The following THADA variants were observed in gnomAD, a reference collection of about 807,000 sequenced individuals.
THADA encodes tRNA (32-2'-O)-methyltransferase regulator THADA.
A neutral mutation model predicts 219.8 loss-of-function variants in THADA; 213 were observed. The ratio of observed to expected loss-of-function variants is 0.97; its 90% CI spans 0.87 to 1.09. The LOEUF (loss-of-function observed/expected upper bound fraction) is 1.09, where lower values mean the gene tolerates loss of function less well. THADA is among the 50% of genes least tolerant of loss of function. The pLI is 0.00. For missense variants in THADA, 2,956 were observed against 2,311.3 expected (o/e 1.28, Z -5.72); for synonymous variants, 1,018 against 828.9 (o/e 1.23, Z -3.92).
At chr2:43,285,959 G>C (rs1335580918) in intron 35 of THADA, among the ~76,000 whole-genome samples, 1 of 152,170 alleles carries the variant, frequency 6.6e-6, no homozygotes, top group Admixed American at 6.5e-5. Context: ...CAGAAGCCTA[G>C]AAGTCATTCT....
chr2:43,260,251 T>C (rs1670789968), intron 36 of THADA, among the ~76,000 whole-genome samples: 1 of 152,204 alleles, frequency 6.6e-6, no homozygotes, highest in Non-Finnish European at 1.5e-5. Flanking sequence ...ATCTTTTTAT[T>C]CTTTGCCAAT....
chr2:43,572,215 G>C (rs1377253125), intron 12 of THADA, among the ~76,000 whole-genome samples: 1 of 151,888 alleles, frequency 6.6e-6, no homozygotes, highest in East Asian at 1.9e-4. Context: ...GTTTCTTTCT[G>C]CTCCCACTCT....
At chr2:43,290,783 T>C (rs1674603757) in intron 34 of THADA, among the ~76,000 whole-genome samples, 1 of 151,888 alleles carries the variant, frequency 6.6e-6, no homozygotes, top group South Asian at 2.1e-4. Flanking sequence ...GGCTGCCTTC[T>C]ACTTGTGATT....
chr2:43,451,328 C>G (rs1467976484), intron 26 of THADA, among the ~76,000 whole-genome samples: 1 of 152,168 alleles, frequency 6.6e-6, no homozygotes, highest in Non-Finnish European at 1.5e-5. Flanking sequence ...GCTATCCACA[C>G]TCCTTATTTC....
intron 28 of THADA, among the ~76,000 whole-genome samples, chr2:43,407,029 A>G (rs1675626569): frequency 6.6e-6 from 1 of 152,220 alleles, no homozygotes; most frequent in Non-Finnish European, 1.5e-5. Flanking sequence ...GCTGAACATA[A>G]TAACACTTGG....
chr2:43,268,182 C>G (rs573896857), intron 36 of THADA, among the ~76,000 whole-genome samples: 1 of 152,302 alleles, frequency 6.6e-6, no homozygotes, highest in African/African-American at 2.4e-5. Flanking sequence ...CAACGATTTC[C>G]TGGCCATTTT....
chr2:43,509,790 G>C (rs971686822), intron 22 of THADA, among the ~76,000 whole-genome samples: 1 of 152,084 alleles, frequency 6.6e-6, no homozygotes, highest in Non-Finnish European at 1.5e-5. Context: ...ATTTTTTAAA[G>C]TTTGACATGG....
At chr2:43,482,174 A>G (rs1469444219) in intron 26 of THADA, among the ~76,000 whole-genome samples, 1 of 152,250 alleles carries the variant, frequency 6.6e-6, no homozygotes, top group Admixed American at 6.5e-5. Flanking sequence ...AAAGGAAAAG[A>G]GCTTTAAAAG....
intron 22 of THADA, among the ~76,000 whole-genome samples, chr2:43,514,976 A>T (rs1255628985): frequency 7.0e-5 from 5 of 71,046 alleles, no homozygotes; most frequent in Non-Finnish European, 1.2e-4. Flanking sequence ...TATATAATAT[A>T]TAACATTTTA....
intron 29 of THADA, among the ~76,000 whole-genome samples, chr2:43,353,747 C>T (rs1668553260): frequency 6.6e-6 from 1 of 152,066 alleles, no homozygotes; most frequent in African/African-American, 2.4e-5. Flanking sequence ...CCTCTGCCTC[C>T]CAGGTTCAAG....
Position 43,572,814 on chromosome 2 carries a change from T to C in THADA, c.1908A>G (p.Gln636=). 1 of 1,612,848 alleles carries C rather than the reference T, an allele frequency of 6.2e-7. No homozygotes were observed. The highest frequency in any genetic ancestry group is 8.5e-7 in the Non-Finnish European group (1 of 1,179,482). The part of the protein sequence containing the change: ...IKQGLIHQHC[Q]VRIDTLGLLC... The stretch of plus-strand genomic sequence containing the variant: ...AATCCAGGTAATTTTCTTTACTTAC[T>C]TGGCAATGCTGATGAATTAAGCCTT... The change falls in exon 12 of 38, where the codon CAA becomes CAG. Residue 636 remains glutamine, a splice_region_variant and synonymous_variant. Coordinates refer to ENST00000405975, the MANE Select transcript of THADA (RefSeq NM_022065.5).
chr2:43,283,023 A>G (rs1673548007), intron 35 of THADA, among the ~76,000 whole-genome samples: 1 of 152,214 alleles, frequency 6.6e-6, no homozygotes, highest in Admixed American at 6.5e-5. Context: ...TGAATCCTGA[A>G]GGCAGATTTC....
rs760204459 is a variant in THADA at position 43,556,562 on chromosome 2, TA to T, written c.2464-8del. ...CTTGCAGTTTCCCCGAATCCTAGAA[TA>T]AAGCGCAGACTCAGTAACTGTCAAA... On this transcript the variant is annotated splice_region_variant and splice_polypyrimidine_tract_variant and intron_variant, in intron 16 of 37. Coordinates refer to ENST00000405975, the MANE Select transcript of THADA (RefSeq NM_022065.5). 2 of 1,612,434 alleles carry T rather than the reference TA, an allele frequency of 1.2e-6. No homozygotes were observed. Among genetic ancestry groups the T allele is most frequent in the African/African-American group, 2.7e-5 (2 of 74,838 alleles).
chr2:43,313,620 C>G (rs1289704441), intron 31 of THADA, among the ~76,000 whole-genome samples: 1 of 152,200 alleles, frequency 6.6e-6, no homozygotes, highest in African/African-American at 2.4e-5. Flanking sequence ...CGCTCCAGTC[C>G]TGGGTAGGCT....
intron 26 of THADA, among the ~76,000 whole-genome samples, chr2:43,453,422 C>T (rs1682605640): frequency 6.6e-6 from 1 of 152,134 alleles, no homozygotes; most frequent in Non-Finnish European, 1.5e-5. Context: ...GTGAAAAGAA[C>T]ATTTTGGACA....
At position 43,231,254 on chromosome 2, in the gene THADA, G is replaced by A; in HGVS notation, c.5556C>T (p.Phe1852=). ...GCCAGCCGGACTTTGAGAGGAGACA[G>A]AAGAGGTGCTTGCAGAGGTATTTCA... ...IFVKYLCKHL[F]CLLSKSGWRP... is the part of the protein sequence containing the mutation. Residue 1852 remains phenylalanine (F), a synonymous_variant, in exon 38 of 38, where the codon TTC becomes TTT. Transcript: ENST00000405975. 6.2e-7 allele frequency: 1 copy of A among 1,612,818 alleles called. No homozygotes were observed.
intron 14 of THADA, among the ~76,000 whole-genome samples, chr2:43,569,245 G>A (rs763540254): frequency 1.3e-5 from 2 of 152,278 alleles, no homozygotes; most frequent in African/African-American, 2.4e-5. Context: ...CCAAAGTGCT[G>A]AGATTATAGG....
chr2:43,237,428 C>CT (rs1274904126), intron 36 of THADA, among the ~76,000 whole-genome samples: 2 of 133,102 alleles, frequency 1.5e-5, no homozygotes, highest in Non-Finnish European at 3.1e-5. Context: ...GAGATGGAGT[C>CT]TGTCTGTCAC....
Position 43,464,039 on chromosome 2 carries a change from T to C in THADA, c.3836+21195A>G, listed in dbSNP as rs186252533. On this transcript the variant is annotated intron_variant, in intron 26 of 37. Coordinates refer to ENST00000405975, the MANE Select transcript of THADA (RefSeq NM_022065.5). ...ATTATAAGGTAGTATATTTTATTTA[T>C]AGTTATCTCACAAAATCTCAGTTGT... Among the ~76,000 whole-genome samples the C allele has an allele frequency of 5.3e-5, 8 of 152,360 alleles. No homozygotes were observed. The East Asian group carries it at 1.5e-3, about 29-fold the overall frequency.
Sources: gnomAD v4.1 joint callset for allele counts (sites outside exome capture counted in the v4.1 genomes callset) on GRCh38, gnomAD v4.1.1 for gene constraint, MANE v1.5 for transcripts, NCBI Gene and HGNC (gene_info 2026-07-23, HGNC 2026-07-21) for gene names.